MACROD2: variants seen among roughly 807,000 people sequenced by gnomAD.
MACROD2 encodes the protein ADP-ribose glycohydrolase MACROD2.
In MACROD2, 36 loss-of-function variants were observed where a neutral mutation model predicts 70.4. The observed-to-expected ratio is 0.51, with a 90% CI of 0.39 to 0.68. The LOEUF (loss-of-function observed/expected upper bound fraction) is 0.68, where lower values mean the gene tolerates loss of function less well. MACROD2 is among the 30% of genes least tolerant of loss of function. MACROD2 has a pLI of 0.00. For missense variants in MACROD2, 496 were observed against 538.4 expected (o/e 0.92, Z 0.78); for synonymous variants, 172 against 178.8 (o/e 0.96, Z 0.30).
At chr20:14,965,821 A>G (rs2074631565) in intron 5 of MACROD2, among the ~76,000 whole-genome samples, 1 of 152,024 alleles carries the variant, frequency 6.6e-6, no homozygotes, top group Admixed American at 6.6e-5. Context: ...TATCCAGTAT[A>G]AAACAGTGCA....
At chr20:15,111,177 GTT>G (rs11482162) in intron 5 of MACROD2, among the ~76,000 whole-genome samples, 10,795 of 140,780 alleles carry the variant, frequency 0.077, 457 homozygotes, top group Middle Eastern at 0.16. Flanking sequence ...GTTTTTGTTT[GTT>G]TTTTTTTTTT....
intron 5 of MACROD2, among the ~76,000 whole-genome samples, chr20:14,706,515 T>A (rs950120610): frequency 1.3e-5 from 2 of 152,014 alleles, no homozygotes; most frequent in Admixed American, 6.6e-5. Flanking sequence ...ATTTTATGAG[T>A]TTAAAAATTG....
chr20:15,733,205 T>C (rs2050970919), intron 8 of MACROD2, among the ~76,000 whole-genome samples: 1 of 152,174 alleles, frequency 6.6e-6, no homozygotes, highest in African/African-American at 2.4e-5. Flanking sequence ...GTAATGTTCC[T>C]CTTTCATGTA....
At chr20:14,297,758 T>A (rs1212278531) in intron 3 of MACROD2, among the ~76,000 whole-genome samples, 1 of 151,934 alleles carries the variant, frequency 6.6e-6, no homozygotes, top group Admixed American at 6.6e-5. Context: ...CTAAGACCAC[T>A]GATGAAGGCC....
chr20:15,843,128 A>T (rs995504532), intron 8 of MACROD2, among the ~76,000 whole-genome samples: 2 of 152,192 alleles, frequency 1.3e-5, no homozygotes, highest in African/African-American at 4.8e-5. Context: ...ATAGTGACTT[A>T]AATGAGGTAA....
At chr20:14,936,203 AG>A in intron 5 of MACROD2, among the ~76,000 whole-genome samples, 1 of 152,320 alleles carries the variant, frequency 6.6e-6, no homozygotes, top group Admixed American at 6.5e-5. Context: ...AGGGTAACAT[AG>A]GAGTTGAAAA....
intron 5 of MACROD2, among the ~76,000 whole-genome samples, chr20:15,019,787 G>A (rs1414985515): frequency 6.6e-6 from 1 of 152,172 alleles, no homozygotes; most frequent in African/African-American, 2.4e-5. Flanking sequence ...AAAGGGCCAA[G>A]AATAAGTATT....
At chr20:15,361,080 A>AT (rs574958247) in intron 6 of MACROD2, among the ~76,000 whole-genome samples, 3 of 151,936 alleles carry the variant, frequency 2.0e-5, no homozygotes, top group Admixed American at 1.3e-4. Context: ...TAATTTATAG[A>AT]TTTTTTTCTT....
intron 6 of MACROD2, among the ~76,000 whole-genome samples, chr20:15,290,303 T>C (rs1452936561): frequency 2.0e-5 from 3 of 152,212 alleles, no homozygotes; most frequent in Non-Finnish European, 4.4e-5. Context: ...AAAATAAGCA[T>C]TATTTATCTC....
intron 5 of MACROD2, among the ~76,000 whole-genome samples, chr20:15,165,454 TA>T (rs2076377272): frequency 6.6e-6 from 1 of 152,170 alleles, no homozygotes; most frequent in South Asian, 2.1e-4. Flanking sequence ...AAACTGCATC[TA>T]AAAAAGAACA....
In MACROD2 at chr20:14,536,626, GGTGTGTGT is replaced by G. The variant is rs11471542; in HGVS notation, c.301+43148_301+43155del. Among the ~76,000 whole-genome samples the G allele has an allele frequency of 7.6e-3, 1,052 of 139,156 alleles. 10 individuals carry two copies. Among genetic ancestry groups the G allele is most frequent in the African/African-American group, 0.025 (972 of 39,664 alleles). 91.3% of individuals were successfully genotyped at this position (139,156 alleles called of 152,430 possible). The stretch of plus-strand genomic sequence containing the variant: ...GGGCTGAAACCCAATAGGTAACATT[GGTGTGTGT>G]GTGTGTGTGTGTGTGTGTGTGTGTG... On this transcript the variant is annotated intron_variant, in intron 4 of 17. Coordinates refer to ENST00000684519, the MANE Select transcript of MACROD2 (RefSeq NM_001351661.2).
chr20:15,781,569 C>A (rs1261641578), intron 8 of MACROD2, among the ~76,000 whole-genome samples: 1 of 152,164 alleles, frequency 6.6e-6, no homozygotes, highest in African/African-American at 2.4e-5. Flanking sequence ...AGGGGAAGAA[C>A]ACTGTGTCCC....
At chr20:14,693,163 C>G (rs2071082635) in intron 5 of MACROD2, among the ~76,000 whole-genome samples, 1 of 152,136 alleles carries the variant, frequency 6.6e-6, no homozygotes. Context: ...AAGTAGTTAG[C>G]AGTGACACTG....
chr20:15,347,052 T>G (rs1309985138), intron 6 of MACROD2, among the ~76,000 whole-genome samples: 1 of 152,174 alleles, frequency 6.6e-6, no homozygotes, highest in African/African-American at 2.4e-5. Flanking sequence ...CTTCACAACT[T>G]TTTATTGGAC....
intron 17 of MACROD2, among the ~76,000 whole-genome samples, chr20:16,048,852 A>G (rs540955810): frequency 4.5e-4 from 69 of 152,360 alleles, no homozygotes; most frequent in African/African-American, 1.6e-3. Context: ...AGCCTTGTAC[A>G]AGAATACACA....
chr20:15,213,935 G>A (rs1043844731), intron 5 of MACROD2, among the ~76,000 whole-genome samples: 5 of 151,040 alleles, frequency 3.3e-5, no homozygotes, highest in South Asian at 2.1e-4. Context: ...GTGGAGACAC[G>A]GTCTCCATAA....
At chr20:15,742,106 G>T (rs1289060790) in intron 8 of MACROD2, among the ~76,000 whole-genome samples, 1 of 152,118 alleles carries the variant, frequency 6.6e-6, no homozygotes, top group Non-Finnish European at 1.5e-5. Flanking sequence ...TTTCATTAAT[G>T]ACTGATTTAT....
chr20:14,882,824 T>C (rs939616980), intron 5 of MACROD2, among the ~76,000 whole-genome samples: 1 of 152,092 alleles, frequency 6.6e-6, no homozygotes, highest in African/African-American at 2.4e-5. Flanking sequence ...TCCCTGAAGA[T>C]AAAATTACTC....
intron 6 of MACROD2, among the ~76,000 whole-genome samples, chr20:15,354,244 G>T (rs559986496): frequency 2.0e-5 from 3 of 151,876 alleles, no homozygotes; most frequent in Admixed American, 6.6e-5. Context: ...GCAAACTATC[G>T]CAAGGACAAA....
Sources: gnomAD v4.1 joint callset for allele counts (sites outside exome capture counted in the v4.1 genomes callset) on GRCh38, gnomAD v4.1.1 for gene constraint, MANE v1.5 for transcripts, NCBI Gene and HGNC (gene_info 2026-07-23, HGNC 2026-07-21) for gene names.